NBEA: variants seen among roughly 807,000 people sequenced by gnomAD.
NBEA encodes the protein neurobeachin.
Under a neutral mutation model 343.4 loss-of-function variants are expected in NBEA, and 44 were observed. That is an observed-to-expected ratio of 0.13 (90% CI 0.10 to 0.16). NBEA has a LOEUF of 0.16. NBEA is among the 10% of genes least tolerant of loss of function. The pLI is 1.00. For synonymous variants in NBEA, 1,175 were observed against 1,238.7 expected (o/e 0.95, Z 1.08); for missense variants, 2,555 against 3,631.3 (o/e 0.70, Z 7.62).
rs762230124 is a variant in NBEA at position 35,628,186 on chromosome 13, C to T, written c.7555C>T (p.His2519Tyr). The stretch of plus-strand genomic sequence containing the variant: ...AGCAGTTCGTGCTCTGAATGTTTTT[C>T]ACTACTTGACTTATGAAGGCTCTGT... ...PEAVRALNVFHYLTYEGSVNL... is the reference protein window; with the variant it reads ...PEAVRALNVFYYLTYEGSVNL... Residue 2519 changes from histidine to tyrosine, a missense_variant, in exon 49 of 59, where the codon CAC becomes TAC. Coordinates refer to ENST00000379939, the MANE Select transcript of NBEA (RefSeq NM_001385012.1). The T allele has an allele frequency of 6.2e-7, 1 of 1,613,076 alleles. No homozygotes were observed. The highest frequency in any genetic ancestry group is 1.1e-5 in the South Asian group (1 of 90,896).
At chr13:35,466,613 A>G (rs1362692996) in intron 40 of NBEA, among the ~76,000 whole-genome samples, 1 of 152,096 alleles carries the variant, frequency 6.6e-6, no homozygotes, top group African/African-American at 2.4e-5. Flanking sequence ...GACAATAGGC[A>G]TGTGCTACCA....
At chr13:35,089,845 G>A (rs1384196440) in intron 10 of NBEA, among the ~76,000 whole-genome samples, 1 of 147,396 alleles carries the variant, frequency 6.8e-6, no homozygotes, top group Non-Finnish European at 1.5e-5. Flanking sequence ...TCACTCATAG[G>A]TGGGAATTGA....
chr13:35,254,959 T>A (rs1383497561), intron 34 of NBEA, among the ~76,000 whole-genome samples: 2 of 152,132 alleles, frequency 1.3e-5, no homozygotes, highest in African/African-American at 4.8e-5. Flanking sequence ...ATTATATAAA[T>A]AACAATTTAA....
intron 48 of NBEA, among the ~76,000 whole-genome samples, chr13:35,625,419 C>T (rs1038633483): frequency 6.6e-6 from 1 of 152,046 alleles, no homozygotes; most frequent in Non-Finnish European, 1.5e-5. Flanking sequence ...GAGTTTGAGA[C>T]CAGCCTGGGC....
chr13:35,478,423 A>G (rs899115191), intron 41 of NBEA, among the ~76,000 whole-genome samples: 17 of 152,006 alleles, frequency 1.1e-4, no homozygotes, highest in Non-Finnish European at 1.6e-4. Flanking sequence ...GAGCCGGAGA[A>G]CCTGCAGCCA....
At chr13:35,175,713 G>A (rs1283980652) in intron 27 of NBEA, among the ~76,000 whole-genome samples, 1 of 152,134 alleles carries the variant, frequency 6.6e-6, no homozygotes, top group Non-Finnish European at 1.5e-5. Context: ...ATGGATCTGA[G>A]TGGTGTTTCT....
intron 17 of NBEA, among the ~76,000 whole-genome samples, chr13:35,129,327 T>A (rs1172244469): frequency 1.3e-5 from 2 of 152,044 alleles, no homozygotes; most frequent in Admixed American, 1.3e-4. Context: ...CTATTAAATA[T>A]ATAGGTGTGC....
intron 39 of NBEA, among the ~76,000 whole-genome samples, chr13:35,440,637 T>A (rs1178219299): frequency 6.6e-6 from 1 of 151,988 alleles, no homozygotes; most frequent in Non-Finnish European, 1.5e-5. Context: ...CACAGGATAG[T>A]GTGGGGAAAT....
chr13:35,626,859 G>T (rs1439575574), intron 48 of NBEA, among the ~76,000 whole-genome samples: 2 of 152,074 alleles, frequency 1.3e-5, no homozygotes. Context: ...TTTGCCTTTA[G>T]TATGGAAACT....
intron 46 of NBEA, among the ~76,000 whole-genome samples, chr13:35,589,771 G>A (rs938272702): frequency 5.9e-5 from 9 of 152,062 alleles, no homozygotes; most frequent in African/African-American, 2.2e-4. Flanking sequence ...GGACTAAGGG[G>A]TATGATAGAA....
intron 45 of NBEA, among the ~76,000 whole-genome samples, chr13:35,570,129 G>T (rs564527503): frequency 1.3e-5 from 2 of 152,300 alleles, no homozygotes; most frequent in African/African-American, 4.8e-5. Flanking sequence ...CTCCTCCCAG[G>T]TTCAAGCGAT....
At chr13:35,297,495 A>G (rs117426009) in intron 35 of NBEA, among the ~76,000 whole-genome samples, 5,347 of 152,142 alleles carry the variant, frequency 0.035, 141 homozygotes, top group Non-Finnish European at 0.054. Context: ...TAAGTATTGT[A>G]TAGTCTCAAT....
At chr13:35,444,198 T>C (rs1266291080) in intron 39 of NBEA, among the ~76,000 whole-genome samples, 1 of 151,964 alleles carries the variant, frequency 6.6e-6, no homozygotes, top group Non-Finnish European at 1.5e-5. Flanking sequence ...TTCCCAGTAA[T>C]AGATTGATTC....
At chr13:35,554,722 T>C (rs1050766288) in intron 43 of NBEA, among the ~76,000 whole-genome samples, 2 of 152,202 alleles carry the variant, frequency 1.3e-5, no homozygotes, top group African/African-American at 4.8e-5. Context: ...TTCTTGTGGA[T>C]TTGTGACTCA....
intron 40 of NBEA, among the ~76,000 whole-genome samples, chr13:35,458,165 T>C (rs911488440): frequency 1.3e-5 from 2 of 152,252 alleles, no homozygotes; most frequent in African/African-American, 4.8e-5. Flanking sequence ...CTGCACCATT[T>C]TGAATTCTCA....
At chr13:35,650,579 G>C (rs771577781) in intron 52 of NBEA, among the ~76,000 whole-genome samples, 1 of 152,170 alleles carries the variant, frequency 6.6e-6, no homozygotes, top group Non-Finnish European at 1.5e-5. Context: ...GCAGGCACCT[G>C]TAATCCCAGC....
At chr13:35,068,917 C>T (rs2063758476) in intron 8 of NBEA, among the ~76,000 whole-genome samples, 1 of 152,124 alleles carries the variant, frequency 6.6e-6, no homozygotes, top group African/African-American at 2.4e-5. Context: ...AGGAAGTCCC[C>T]ATCTGGCCCA....
At chr13:35,415,499 C>T (rs2043851969) in intron 38 of NBEA, among the ~76,000 whole-genome samples, 1 of 152,070 alleles carries the variant, frequency 6.6e-6, no homozygotes, top group African/African-American at 2.4e-5. Flanking sequence ...GAATCCTTTC[C>T]CCATTTCTTG....
chr13:35,298,187 A>G (rs192821101), intron 35 of NBEA, among the ~76,000 whole-genome samples: 1,809 of 115,200 alleles, frequency 0.016, 55 homozygotes, highest in Non-Finnish European at 0.022. Context: ...GTGTGTGTGT[A>G]TGTGTGTGTG....
Sources: allele counts gnomAD v4.1 joint callset (sites outside exome capture counted in the v4.1 genomes callset), GRCh38; gene constraint gnomAD v4.1.1; transcripts MANE v1.5; gene names NCBI Gene and HGNC (gene_info 2026-07-23, HGNC 2026-07-21).